The following DPP6 variants were observed in gnomAD, a reference collection of about 807,000 sequenced individuals.
The protein encoded by DPP6 is dipeptidyl peptidase like 6.
In DPP6, 69 loss-of-function variants were observed where a neutral mutation model predicts 122.6. That is an observed-to-expected ratio of 0.56 (90% CI 0.46 to 0.69). The LOEUF is 0.69. Ranked by LOEUF, DPP6 falls within the 30% of genes least tolerant of loss-of-function variation. DPP6 has a pLI of 0.00. For missense variants in DPP6, 928 were observed against 1,116.9 expected (o/e 0.83, Z 2.41); for synonymous variants, 418 against 433.1 (o/e 0.97, Z 0.43).
the DPP6 span, among the ~76,000 whole-genome samples, chr7:153,759,995 CTA>C: frequency 3.3e-3 from 447 of 135,308 alleles, no homozygotes; most frequent in African/African-American, 0.016. Context: ...CTCTCTCTCT[CTA>C]TCTGTATGTG....
At chr7:153,958,155 C>T (rs561583097) in intron 1 of DPP6, among the ~76,000 whole-genome samples, 1 of 152,232 alleles carries the variant, frequency 6.6e-6, no homozygotes, top group South Asian at 2.1e-4. Flanking sequence ...CGGAGTGAGA[C>T]TCCATCTTAA....
At chr7:154,631,116 G>A (rs563086375) in intron 5 of DPP6, among the ~76,000 whole-genome samples, 99 of 152,316 alleles carry the variant, frequency 6.5e-4, no homozygotes, top group Non-Finnish European at 1.2e-3. Flanking sequence ...GCATAAAGAC[G>A]TAAATTCAGT....
In DPP6 at chr7:154,587,316, G is replaced by C; in HGVS notation, c.627+20400G>C. The C allele has an allele frequency of 5.8e-6, 2 of 344,660 alleles. 1 individual carries two copies. The highest frequency in any genetic ancestry group is 7.2e-5 in the South Asian group (2 of 27,822). The allele number at this position is 344,660 out of a possible 1,614,324, so 21.4% of individuals were successfully genotyped here. A position where few individuals can be genotyped will look rare whatever the true frequency, so the allele number is the denominator to read the frequency against. ...TGACTTGAGCTAAATTGGGTGATCT[G>C]CCTGGAGACTTAGAACCTTATTCCT... On this transcript the variant is annotated intron_variant, in intron 5 of 25. Transcript: ENST00000377770.
chr7:154,460,679 C>A (rs1432820065), intron 2 of DPP6, among the ~76,000 whole-genome samples: 1 of 152,104 alleles, frequency 6.6e-6, no homozygotes, highest in African/African-American at 2.4e-5. Flanking sequence ...AACACATTTA[C>A]AACATTCACT....
At chr7:154,789,743 A>G (rs1411280853) in intron 10 of DPP6, among the ~76,000 whole-genome samples, 2 of 152,236 alleles carry the variant, frequency 1.3e-5, no homozygotes, top group Non-Finnish European at 2.9e-5. Flanking sequence ...AAGTGTGACT[A>G]CAAACCTTAT....
At chr7:154,080,851 G>A (rs1435848864) in intron 1 of DPP6, among the ~76,000 whole-genome samples, 1 of 152,114 alleles carries the variant, frequency 6.6e-6, no homozygotes, top group Non-Finnish European at 1.5e-5. Flanking sequence ...AGGTCTGCAT[G>A]GAACCTGGGA....
At chr7:154,187,396 C>T (rs1798402181) in intron 1 of DPP6, among the ~76,000 whole-genome samples, 1 of 152,144 alleles carries the variant, frequency 6.6e-6, no homozygotes, top group African/African-American at 2.4e-5. Context: ...ACTGAATGTG[C>T]ACGAGAGCCA....
At chr7:154,820,030 A>G (rs1427986331) in intron 16 of DPP6, among the ~76,000 whole-genome samples, 1 of 152,210 alleles carries the variant, frequency 6.6e-6, no homozygotes, top group African/African-American at 2.4e-5. Context: ...CACAAAGCCA[A>G]GGCCCCAAGC....
chr7:154,485,270 C>T (rs530050358), intron 3 of DPP6, among the ~76,000 whole-genome samples: 28 of 152,270 alleles, frequency 1.8e-4, no homozygotes, highest in Non-Finnish European at 2.8e-4. Context: ...CATAAAAATA[C>T]ACACTGAAGC....
At chr7:153,859,658 TC>T in the DPP6 span, among the ~76,000 whole-genome samples, 3 of 152,202 alleles carry the variant, frequency 2.0e-5, no homozygotes, top group Admixed American at 2.0e-4. Context: ...AGTGTATTAT[TC>T]CGTTCCTACG....
Position 154,605,690 on chromosome 7 carries a change from C to A in DPP6, c.628-32131C>A, listed in dbSNP as rs1187908307. Among the ~76,000 whole-genome samples, 8 of 119,428 alleles carry A rather than the reference C, an allele frequency of 6.7e-5. 1 individual carries two copies. In the Admixed American group the frequency reaches 7.6e-4, roughly 11 times the overall value. The allele number at this position is 119,428 out of a possible 152,430, so 78.3% of individuals were successfully genotyped here. On this transcript the variant is annotated intron_variant, in intron 5 of 25. Transcript: ENST00000377770. Reference sequence around the variant, plus strand: ...TTTTCATTTTCTCTTTTTATCTTTGCTTAATCTCTCATTAGTACCTACTCT... The same window carrying A: ...TTTTCATTTTCTCTTTTTATCTTTGATTAATCTCTCATTAGTACCTACTCT...
intron 4 of DPP6, among the ~76,000 whole-genome samples, chr7:154,555,121 T>C (rs773419880): frequency 6.6e-6 from 1 of 152,156 alleles, no homozygotes; most frequent in African/African-American, 2.4e-5. Context: ...CCATCACCAT[T>C]AATATTTAAT....
At chr7:153,868,691 T>C in the DPP6 span, among the ~76,000 whole-genome samples, 2 of 152,222 alleles carry the variant, frequency 1.3e-5, no homozygotes, top group African/African-American at 2.4e-5. Flanking sequence ...TACCTTCTGC[T>C]AGCTTTTGAA....
intron 5 of DPP6, among the ~76,000 whole-genome samples, chr7:154,601,958 T>C (rs1833423672): frequency 8.2e-6 from 1 of 121,528 alleles, no homozygotes; most frequent in African/African-American, 2.6e-5. Flanking sequence ...ATGATTTAAT[T>C]GAAATCTACC....
chr7:154,426,832 C>T (rs991470342), intron 1 of DPP6, among the ~76,000 whole-genome samples: 3 of 129,752 alleles, frequency 2.3e-5, no homozygotes, highest in African/African-American at 8.9e-5. Context: ...AAAAAAAAAA[C>T]TGAGCCATAA....
At position 154,429,180 on chromosome 7, in the gene DPP6, T is replaced by TAAAAAAAAA. The variant is rs34365501; in HGVS notation, c.244-17029_244-17021dup. On this transcript the variant is annotated intron_variant, in intron 1 of 25. Coordinates refer to ENST00000377770, the MANE Select transcript of DPP6 (RefSeq NM_130797.4). ...TCTGAGCTTCTGCTTCTTAATCTGTTAAAAAAAAAAAAAGCATAATTTGTC... is the reference window on the plus strand; with the variant it reads ...TCTGAGCTTCTGCTTCTTAATCTGTTAAAAAAAAAAAAAAAAAAAAAAGCATAATTTGTC... 8.1e-3 allele frequency among the ~76,000 whole-genome samples: 1,183 copies of TAAAAAAAAA among 146,084 alleles called. 23 individuals are homozygous for TAAAAAAAAA. The highest frequency in any genetic ancestry group is 0.027 in the African/African-American group (1,068 of 39,240).
At chr7:153,785,540 A>G in the DPP6 span, among the ~76,000 whole-genome samples, 2 of 152,100 alleles carry the variant, frequency 1.3e-5, no homozygotes, top group Non-Finnish European at 2.9e-5. Context: ...CGAATTTACT[A>G]TGCTATATTT....
chr7:154,263,733 G>C (rs1803185367), intron 1 of DPP6, among the ~76,000 whole-genome samples: 1 of 152,022 alleles, frequency 6.6e-6, no homozygotes, highest in Admixed American at 6.6e-5. Flanking sequence ...TGTCACCCAG[G>C]CTGGAGTGCA....
At chr7:154,111,738 T>C (rs183531626) in intron 1 of DPP6, among the ~76,000 whole-genome samples, 82 of 152,064 alleles carry the variant, frequency 5.4e-4, no homozygotes, top group African/African-American at 1.8e-3. Flanking sequence ...GACTGAAACC[T>C]GAAATCCCAT....
Sources: allele counts gnomAD v4.1 joint callset (sites outside exome capture counted in the v4.1 genomes callset), GRCh38; gene constraint gnomAD v4.1.1; transcripts MANE v1.5; gene names NCBI Gene and HGNC (gene_info 2026-07-23, HGNC 2026-07-21).